The following ANKRD26 variants were observed in gnomAD, a reference collection of about 807,000 sequenced individuals.
ANKRD26 encodes ankyrin repeat domain 26, also known as ankyrin repeat domain-containing protein 26.
A neutral mutation model predicts 208.7 loss-of-function variants in ANKRD26; 141 were observed. That is an observed-to-expected ratio of 0.68 (90% confidence interval 0.59 to 0.78). The LOEUF (loss-of-function observed/expected upper bound fraction) is 0.78. Among genes scored for constraint, ANKRD26 ranks in the 30% least tolerant of loss-of-function variants. ANKRD26 has a pLI of 0.00. For missense variants in ANKRD26, 1,889 were observed against 1,938.7 expected, an observed-to-expected ratio of 0.97 and a Z score of 0.48; for synonymous variants, 636 against 660.4, an observed-to-expected ratio of 0.96 and a Z score of 0.57.
In ANKRD26 at chr10:27,039,965, C is replaced by CTTT; in HGVS notation, c.2374_2375insAAA (p.Leu791_Arg792insLys). 6.2e-7 allele frequency: 1 copy of CTTT among 1,612,756 alleles called. No homozygotes were observed. On this transcript the variant is annotated inframe_insertion and splice_region_variant, in exon 21 of 34. Coordinates refer to ENST00000376087, the MANE Select transcript of ANKRD26 (RefSeq NM_014915.3). ...TTTCTTTAAAACTAGGCTATCATAC[C>CTTT]TCAAAGAGCACAGTTCTCGTTCCCA...
At chr10:27,031,805 T>C (rs2053872001) in intron 25 of ANKRD26, among the ~76,000 whole-genome samples, 1 of 152,220 alleles carries the variant, frequency 6.6e-6, no homozygotes, top group Non-Finnish European at 1.5e-5. Flanking sequence ...TAAATATTTC[T>C]ATGTTTTTAT....
downstream of ANKRD26, among the ~76,000 whole-genome samples, chr10:26,991,442 T>G (rs1429332766): frequency 1.4e-5 from 2 of 142,970 alleles, no homozygotes; most frequent in Non-Finnish European, 3.0e-5. Context: ...GAAGGTAATT[T>G]TTTTTTTTTT....
chr10:27,023,455 AAAAG>A (rs754060489), intron 28 of ANKRD26, among the ~76,000 whole-genome samples: 20 of 152,268 alleles, frequency 1.3e-4, no homozygotes, highest in African/African-American at 4.8e-5. Flanking sequence ...TACAAAAAAA[AAAAG>A]AAAGTACACA....
At chr10:26,964,861 A>C in the ANKRD26 span, among the ~76,000 whole-genome samples, 1 of 152,218 alleles carries the variant, frequency 6.6e-6, no homozygotes, top group Non-Finnish European at 1.5e-5. Flanking sequence ...AGAGATCTCT[A>C]ATATTATTAA....
intron 5 of ANKRD26, among the ~76,000 whole-genome samples, chr10:27,084,957 A>G (rs1204145457): frequency 2.0e-5 from 3 of 147,804 alleles, no homozygotes; most frequent in African/African-American, 7.5e-5. Flanking sequence ...TTGTACTTTC[A>G]TTATAATTTG....
Position 27,079,073 on chromosome 10 carries a change from T to G in ANKRD26, c.813+16A>C. 6.2e-7 allele frequency: 1 copy of G among 1,603,542 alleles called. No homozygotes were observed. The highest frequency in any genetic ancestry group is 8.5e-7 in the Non-Finnish European group (1 of 1,170,496). ...ATTCAGAGTAAGAAAATTAAGTTCA[T>G]GAGAGAGCACTTTACCTTAGTATCA... is the stretch of plus-strand genomic sequence containing the variant. On this transcript the variant is annotated intron_variant, in intron 7 of 33. Coordinates refer to ENST00000376087, the MANE Select transcript of ANKRD26 (RefSeq NM_014915.3).
chr10:27,067,982 T>C (rs2055326980), intron 9 of ANKRD26, among the ~76,000 whole-genome samples: 1 of 152,162 alleles, frequency 6.6e-6, no homozygotes, highest in African/African-American at 2.4e-5. Flanking sequence ...AATTCACTAG[T>C]TCTACAACCG....
chr10:27,046,930 A>G (rs2054468246), intron 17 of ANKRD26, among the ~76,000 whole-genome samples: 1 of 152,148 alleles, frequency 6.6e-6, no homozygotes, highest in South Asian at 2.1e-4. Context: ...TACTTAGAGA[A>G]TAGAAGGTGA....
chr10:27,039,450 T>C (rs944188758), intron 21 of ANKRD26, among the ~76,000 whole-genome samples: 3 of 144,564 alleles, frequency 2.1e-5, no homozygotes, highest in East Asian at 2.1e-4. Context: ...CAAGACTCCA[T>C]CTCAAAAAAA....
intron 23 of ANKRD26, among the ~76,000 whole-genome samples, chr10:27,036,224 TCA>T (rs1449501152): frequency 1.3e-5 from 2 of 152,084 alleles, no homozygotes; most frequent in African/African-American, 4.8e-5. Flanking sequence ...TCTACTTTTC[TCA>T]CATCTTTATA....
At chr10:26,948,533 GTAA>G in the ANKRD26 span, among the ~76,000 whole-genome samples, 1 of 152,110 alleles carries the variant, frequency 6.6e-6, no homozygotes, top group South Asian at 2.1e-4. Context: ...CCCTCATTTG[GTAA>G]TAATGATTAT....
chr10:27,099,203 C>A (rs528444040), intron 1 of ANKRD26, among the ~76,000 whole-genome samples: 1 of 152,004 alleles, frequency 6.6e-6, no homozygotes. Flanking sequence ...GTTGGCCAAG[C>A]TGGTCTCGAA....
chr10:27,053,415 T>C lies in ANKRD26; in HGVS notation c.1565-25A>G, dbSNP rs759212273. On this transcript the variant is annotated intron_variant, in intron 15 of 33. Transcript: ENST00000376087. ...GCTGAAAAAATCCAAATATTTAGTT[T>C]AATGAACTACTTAGAACAGTTAGGT... is the stretch of plus-strand genomic sequence containing the variant. The C allele has an allele frequency of 3.3e-6, 5 of 1,509,060 alleles. No homozygotes were observed. In the African/African-American group the frequency reaches 6.9e-5, roughly 21 times the overall value. 93.5% of individuals were successfully genotyped at this position (1,509,060 alleles called of 1,614,324 possible).
chr10:26,970,698 A>C (rs1411106981), downstream of ANKRD26, among the ~76,000 whole-genome samples: 2 of 152,222 alleles, frequency 1.3e-5, no homozygotes, highest in African/African-American at 2.4e-5. Flanking sequence ...TGTCTTACCA[A>C]CAATACTGGG....
At chr10:26,979,168 C>T (rs1365693879) in intron 5 of ANKRD26, among the ~76,000 whole-genome samples, 3 of 151,996 alleles carry the variant, frequency 2.0e-5, no homozygotes, top group Admixed American at 6.6e-5. Context: ...TGCAGTGAGC[C>T]GAGATCGCGC....
At chr10:26,972,020 A>G (rs7079438), downstream of ANKRD26, among the ~76,000 whole-genome samples, 4,429 of 152,078 alleles carry the variant, frequency 0.029, 200 homozygotes, top group African/African-American at 0.098. Flanking sequence ...CGGATCACAA[A>G]GTCAGGAGAT....
intron 6 of ANKRD26, among the ~76,000 whole-genome samples, chr10:27,079,690 C>T (rs1046745616): frequency 6.6e-6 from 1 of 151,922 alleles, no homozygotes; most frequent in Admixed American, 6.6e-5. Flanking sequence ...CCTGTCTCTA[C>T]TAAAATACAA....
chr10:26,967,978 G>A, the ANKRD26 span, among the ~76,000 whole-genome samples: 3,175 of 152,072 alleles, frequency 0.021, 40 homozygotes, highest in Non-Finnish European at 0.032. Flanking sequence ...CCCTCAATCC[G>A]CATTCGACTC....
intron 5 of ANKRD26, among the ~76,000 whole-genome samples, chr10:26,977,991 G>A (rs2134610416): frequency 6.6e-6 from 1 of 152,274 alleles, no homozygotes; most frequent in Non-Finnish European, 1.5e-5. Context: ...AGCTTTGAAT[G>A]CTTCTTTTGA....
Sources: gnomAD v4.1 joint callset for allele counts (sites outside exome capture counted in the v4.1 genomes callset) on GRCh38, gnomAD v4.1.1 for gene constraint, MANE v1.5 for transcripts, NCBI Gene and HGNC (gene_info 2026-07-23, HGNC 2026-07-21) for gene names.